LRTM1: variants seen among roughly 807,000 people sequenced by gnomAD.
LRTM1 encodes leucine rich repeat transmembrane protein 1.
Under a neutral mutation model 32.4 loss-of-function variants are expected in LRTM1, and 38 were observed. That is an observed-to-expected ratio of 1.17 (90% confidence interval 0.91 to 1.54). The LOEUF is 1.54. Among genes scored for constraint, LRTM1 ranks in the 40% most tolerant of loss-of-function variants. LRTM1 has a pLI of 0.00. For synonymous variants in LRTM1, 186 were observed against 169.9 expected (o/e 1.09, Z -0.74); for missense variants, 466 against 415.4 (o/e 1.12, Z -1.06).
At chr3:54,919,844 G>A (rs1291037334) in intron 2 of LRTM1, among the ~76,000 whole-genome samples, 1 of 152,240 alleles carries the variant, frequency 6.6e-6, no homozygotes, top group Non-Finnish European at 1.5e-5. Context: ...GAGGTCACGA[G>A]TGGATGAAAC....
chr3:54,938,021 A>C (rs1250797652), intron 1 of LRTM1, among the ~76,000 whole-genome samples: 1 of 152,214 alleles, frequency 6.6e-6, no homozygotes, highest in Non-Finnish European at 1.5e-5. Flanking sequence ...GGAGGTAAAG[A>C]GGATGTTGAT....
intron 1 of LRTM1, among the ~76,000 whole-genome samples, chr3:54,934,589 A>G (rs1701283286): frequency 6.6e-6 from 1 of 152,146 alleles, no homozygotes; most frequent in Non-Finnish European, 1.5e-5. Flanking sequence ...AAAGCTAAGG[A>G]AGACAGTGGC....
intron 1 of LRTM1, among the ~76,000 whole-genome samples, chr3:54,946,570 C>G (rs775496184): frequency 6.6e-6 from 1 of 152,076 alleles, no homozygotes; most frequent in African/African-American, 2.4e-5. Context: ...TTTGACTTAA[C>G]GAAGAAGAGC....
rs985016203 is a variant in LRTM1, at chr3:54,918,314, G to C, written c.*145C>G. On this transcript the variant is annotated 3_prime_UTR_variant, in exon 3 of 3. Coordinates refer to ENST00000273286, the MANE Select transcript of LRTM1 (RefSeq NM_020678.4). The stretch of plus-strand genomic sequence containing the variant: ...TTCCTCCCCAGAAATATTTTTTACA[G>C]ACACATCTTTTTTTTTTCTTTTTTT... The C allele has an allele frequency of 1.3e-6, 1 of 769,512 alleles. No individual in the cohort carries two copies. Among genetic ancestry groups the C allele is most frequent in the East Asian group, 2.6e-5 (1 of 38,554 alleles). The allele number at this position is 769,512 out of a possible 1,614,324, so 47.7% of individuals were successfully genotyped here.
chr3:54,944,372 C>T (rs1315506586), intron 1 of LRTM1, among the ~76,000 whole-genome samples: 1 of 151,822 alleles, frequency 6.6e-6, no homozygotes, highest in African/African-American at 2.4e-5. Flanking sequence ...TATATTTTGA[C>T]TGTTTTATTT....
chr3:54,950,386 C>T (rs1488966091), intron 1 of LRTM1, among the ~76,000 whole-genome samples: 2 of 152,212 alleles, frequency 1.3e-5, no homozygotes, highest in African/African-American at 4.8e-5. Flanking sequence ...TGCTCTTTTA[C>T]TCTTTGCAAC....
intron 1 of LRTM1, among the ~76,000 whole-genome samples, chr3:54,934,957 C>T (rs770045803): frequency 2.6e-5 from 4 of 152,170 alleles, no homozygotes; most frequent in East Asian, 1.9e-4. Flanking sequence ...AGGCTGGTCT[C>T]GAACTCCTGA....
At chr3:54,962,799 AGG>A (rs1035307990) in intron 1 of LRTM1, among the ~76,000 whole-genome samples, 4 of 152,194 alleles carry the variant, frequency 2.6e-5, no homozygotes, top group African/African-American at 9.7e-5. Context: ...AAATGGAAGT[AGG>A]GGTGTTTGGG....
chr3:54,929,185 A>G (rs1701115936), upstream of LRTM1, among the ~76,000 whole-genome samples: 1 of 152,070 alleles, frequency 6.6e-6, no homozygotes, highest in Non-Finnish European at 1.5e-5. Flanking sequence ...TGACTTACCC[A>G]CCCAGAGCCC....
chr3:54,957,614 C>G (rs1701932953), intron 1 of LRTM1, among the ~76,000 whole-genome samples: 1 of 152,036 alleles, frequency 6.6e-6, no homozygotes, highest in Non-Finnish European at 1.5e-5. Context: ...TTAGGGAGGG[C>G]CGGTGGGGAA....
At chr3:54,936,539 T>A (rs1200442893) in intron 1 of LRTM1, among the ~76,000 whole-genome samples, 1 of 152,212 alleles carries the variant, frequency 6.6e-6, no homozygotes, top group African/African-American at 2.4e-5. Flanking sequence ...TGCTGCAGCC[T>A]CCATTCAGGT....
At chr3:54,962,326 G>C (rs1702049451) in intron 1 of LRTM1, among the ~76,000 whole-genome samples, 1 of 152,118 alleles carries the variant, frequency 6.6e-6, no homozygotes, top group African/African-American at 2.4e-5. Flanking sequence ...TTTGCTCACT[G>C]ATATAACACT....
chr3:54,945,250 T>C (rs561050805), intron 1 of LRTM1, among the ~76,000 whole-genome samples: 27 of 152,332 alleles, frequency 1.8e-4, no homozygotes, highest in African/African-American at 6.3e-4. Flanking sequence ...TGCAGCAGAA[T>C]ACATGGTGTT....
upstream of LRTM1, among the ~76,000 whole-genome samples, chr3:54,929,448 G>A (rs1338464328): frequency 6.6e-6 from 1 of 152,206 alleles, no homozygotes; most frequent in Non-Finnish European, 1.5e-5. Context: ...GGTACAAAGG[G>A]AAGAGGCCCT....
At chr3:54,927,085 T>G (rs762528926) in intron 1 of LRTM1, among the ~76,000 whole-genome samples, 1 of 152,234 alleles carries the variant, frequency 6.6e-6, no homozygotes, top group Non-Finnish European at 1.5e-5. Flanking sequence ...AGTTATCTAC[T>G]CAAAGTGGAA....
intron 1 of LRTM1, among the ~76,000 whole-genome samples, chr3:54,961,107 A>G (rs545375075): frequency 6.6e-6 from 1 of 152,362 alleles, no homozygotes; most frequent in East Asian, 1.9e-4. Context: ...GGCTTGGGTA[A>G]TGGCTATTAC....
intron 1 of LRTM1, among the ~76,000 whole-genome samples, chr3:54,961,797 TTC>T (rs1702034986): frequency 6.6e-6 from 1 of 152,050 alleles, no homozygotes; most frequent in Admixed American, 6.5e-5. Flanking sequence ...ACAGGACATC[TTC>T]TGTTTTCTTT....
chr3:54,926,311 A>G (rs976345909), intron 1 of LRTM1, among the ~76,000 whole-genome samples: 1 of 152,206 alleles, frequency 6.6e-6, no homozygotes, highest in Non-Finnish European at 1.5e-5. Flanking sequence ...CATTTGAAAG[A>G]TGAGGAAGCT....
intron 1 of LRTM1, among the ~76,000 whole-genome samples, chr3:54,926,524 AC>A (rs1701025195): frequency 1.3e-5 from 2 of 149,224 alleles, no homozygotes; most frequent in Non-Finnish European, 3.0e-5. Context: ...ACACACACAC[AC>A]ACACACACAC....
Sources: gnomAD v4.1 joint callset for allele counts (sites outside exome capture counted in the v4.1 genomes callset) on GRCh38, gnomAD v4.1.1 for gene constraint, MANE v1.5 for transcripts, NCBI Gene and HGNC (gene_info 2026-07-23, HGNC 2026-07-21) for gene names.